Variants in ALDH6A1 observed in about 807,000 individuals in gnomAD.
The protein encoded by ALDH6A1 is methylmalonate-semialdehyde/malonate-semialdehyde dehydrogenase [acylating], mitochondrial.
A neutral mutation model predicts 62.6 loss-of-function variants in ALDH6A1; 43 were observed. That is an observed-to-expected ratio of 0.69 (90% CI 0.54 to 0.89). ALDH6A1 has a LOEUF of 0.89. Ranked by LOEUF, ALDH6A1 falls within the 40% of genes least tolerant of loss-of-function variation. The pLI is 0.00. For missense variants in ALDH6A1, 551 were observed against 661.3 expected (o/e 0.83, Z 1.83); for synonymous variants, 194 against 234.2 (o/e 0.83, Z 1.57).
In ALDH6A1 at chr14:74,057,632, G is replaced by T; in HGVS notation, c.*3010C>A. ...CAACCTAGAGGACAAAGGCTTATAAGGAGATATGAAATGATTTTTTTAAGC... is the reference window on the plus strand; with the variant it reads ...CAACCTAGAGGACAAAGGCTTATAATGAGATATGAAATGATTTTTTTAAGC... On this transcript the variant is annotated 3_prime_UTR_variant, in exon 12 of 12. Coordinates refer to ENST00000553458, the MANE Select transcript of ALDH6A1 (RefSeq NM_005589.4). The T allele has an allele frequency of 7.5e-7, 1 of 1,333,220 alleles. No individual in the cohort carries two copies. The highest frequency in any genetic ancestry group is 9.8e-7 in the Non-Finnish European group (1 of 1,022,494). 82.6% of individuals were successfully genotyped at this position (1,333,220 alleles called of 1,614,324 possible).
rs1436429605 is a variant in ALDH6A1 at position 74,057,689 on chromosome 14, T to C, written c.*2953A>G. On this transcript the variant is annotated 3_prime_UTR_variant, in exon 12 of 12. Transcript: ENST00000553458. ...TTTCTCTTTAAGAGTTTTTAATTTA[T>C]AATTTGTTATTCATAATTAGTACAA... The C allele has an allele frequency of 3.3e-5, 42 of 1,275,072 alleles. No individual in the cohort carries two copies. Among genetic ancestry groups the C allele is most frequent in the Non-Finnish European group, 4.2e-5 (42 of 989,346 alleles). 79.0% of individuals were successfully genotyped at this position (1,275,072 alleles called of 1,614,324 possible). A position where few individuals can be genotyped will look rare whatever the true frequency, so the allele number is the denominator to read the frequency against.
At chr14:74,067,662 C>T in intron 7 of ALDH6A1, 93 bp from the exon 8 acceptor site, 1 of 1,351,770 alleles carries the variant, frequency 7.4e-7, no homozygotes, top group Non-Finnish European at 1.0e-6. Flanking sequence ...GTGGCTAATG[C>T]CTGTAATCCC....
rs574769742 is a variant in ALDH6A1 at position 74,065,216 on chromosome 14, C to G, written c.1369G>C (p.Ala457Pro). 6.2e-7 allele frequency: 1 copy of G among 1,614,162 alleles called. No homozygotes were observed. Among genetic ancestry groups the G allele is most frequent in the Non-Finnish European group, 8.5e-7 (1 of 1,180,024 alleles). Residue 457 changes from alanine to proline, a missense_variant, in exon 10 of 12, where the codon GCT becomes CCT. Physicochemically the swap from Ala to Pro is conservative, Grantham distance 27 (BLOSUM62 -1). Coordinates refer to ENST00000553458, the MANE Select transcript of ALDH6A1 (RefSeq NM_005589.4). ...TAIFTTNGAT[A>P]RKYAHLVDVG... ...TCCACCAAGTGGGCATATTTCCGAG[C>G]AGTGGCTCCATTGGTGGTGAAGATG...
intron 1 of ALDH6A1, 68 bp from the exon 2 acceptor site, chr14:74,075,085 C>CATA: frequency 7.1e-7 from 1 of 1,407,308 alleles, no homozygotes; most frequent in Non-Finnish European, 1.0e-6. Context: ...TAGCAAATAG[C>CATA]TACTATATGC....
Position 74,065,114 on chromosome 14 carries a change from A to G in ALDH6A1, c.1404+67T>C, listed in dbSNP as rs544599318. On this transcript the variant is annotated intron_variant, in intron 10 of 11. Transcript: ENST00000553458. Reference sequence around the variant, plus strand: ...AATCTTAAACCAATGACTCACCATTATTTACTGTTTCCTCTTAGGAAATAG... The same window carrying G: ...AATCTTAAACCAATGACTCACCATTGTTTACTGTTTCCTCTTAGGAAATAG... 348 of 1,577,956 alleles carry G rather than the reference A, an allele frequency of 2.2e-4. 3 individuals carry two copies. The South Asian group carries it at 3.5e-3, about 16-fold the overall frequency.
chr14:74,073,607 T>C (rs981733590), intron 2 of ALDH6A1, among the ~76,000 whole-genome samples: 3 of 152,276 alleles, frequency 2.0e-5, no homozygotes, highest in South Asian at 4.1e-4. Flanking sequence ...ACTGTGAGCA[T>C]GTATTACCTT....
rs749737332 is a variant in ALDH6A1 at position 74,057,629 on chromosome 14, T to C, written c.*3013A>G. On this transcript the variant is annotated 3_prime_UTR_variant, in exon 12 of 12. Coordinates refer to ENST00000553458, the MANE Select transcript of ALDH6A1 (RefSeq NM_005589.4). The stretch of plus-strand genomic sequence containing the variant: ...TTACAACCTAGAGGACAAAGGCTTA[T>C]AAGGAGATATGAAATGATTTTTTTA... 1 of 1,334,674 alleles carries C rather than the reference T, an allele frequency of 7.5e-7. No homozygotes were observed. Among genetic ancestry groups the C allele is most frequent in the Non-Finnish European group, 9.8e-7 (1 of 1,023,628 alleles). The allele number at this position is 1,334,674 out of a possible 1,614,324, so 82.7% of individuals were successfully genotyped here. A position where few individuals can be genotyped will look rare whatever the true frequency, so the allele number is the denominator to read the frequency against.
chr14:74,073,989 ATT>A (rs5809644), intron 2 of ALDH6A1, among the ~76,000 whole-genome samples: 34,917 of 144,400 alleles, frequency 0.24, 4,741 homozygotes, highest in South Asian at 0.46. Context: ...ACTTTAACTA[ATT>A]TTTTTTTTTT....
Position 74,058,436 on chromosome 14 carries a change from T to C in ALDH6A1, c.*2206A>G, listed in dbSNP as rs1299546089. The C allele has an allele frequency of 6.9e-6, 1 of 144,404 alleles. No homozygotes were observed. Among genetic ancestry groups the C allele is most frequent in the Non-Finnish European group, 1.5e-5 (1 of 66,682 alleles). The allele number at this position is 144,404 out of a possible 1,614,324, so 8.9% of individuals were successfully genotyped here. A position where few individuals can be genotyped will look rare whatever the true frequency, so the allele number is the denominator to read the frequency against. The stretch of plus-strand genomic sequence containing the variant: ...AATTATAAATTTCTATTGCCTCATA[T>C]TTAGGAAAGCAGAAAAAAAAAAAAA... On this transcript the variant is annotated 3_prime_UTR_variant, in exon 12 of 12. Transcript: ENST00000553458.
intron 11 of ALDH6A1, among the ~76,000 whole-genome samples, chr14:74,061,921 G>A (rs943347751): frequency 2.6e-5 from 4 of 151,798 alleles, no homozygotes; most frequent in Non-Finnish European, 5.9e-5. Flanking sequence ...ATTAAACTGG[G>A]GGGTGCAGCC....
rs2060699518 is a variant in ALDH6A1, at chr14:74,084,225, T to G, written c.48+122A>C. ...ATGGGACAGGGCCGCACAGGTCGGGTAGGAGGTCTGGCCAAAAAGGGGTTG... is the reference window on the plus strand; with the variant it reads ...ATGGGACAGGGCCGCACAGGTCGGGGAGGAGGTCTGGCCAAAAAGGGGTTG... On this transcript the variant is annotated intron_variant, in intron 1 of 11. Transcript: ENST00000553458. The G allele has an allele frequency of 4.2e-6, 6 of 1,435,360 alleles. No individual in the cohort carries two copies. The East Asian group carries it at 1.2e-4, about 29-fold the overall frequency. The allele number at this position is 1,435,360 out of a possible 1,614,324, so 88.9% of individuals were successfully genotyped here.
At chr14:74,078,796 T>G (rs10150622) in intron 1 of ALDH6A1, among the ~76,000 whole-genome samples, 3,070 of 151,922 alleles carry the variant, frequency 0.02, 140 homozygotes, top group African/African-American at 0.056. Flanking sequence ...CCCAAAGTGC[T>G]GGGATTACAG....
intron 4 of ALDH6A1, 49 bp downstream of exon 4, chr14:74,072,154 A>T (rs2060558905): frequency 6.2e-7 from 1 of 1,613,442 alleles, no homozygotes; most frequent in Non-Finnish European, 8.5e-7. Flanking sequence ...AGAGTGACAA[A>T]CATGCCCTAG....
At chr14:74,073,497 G>A (rs1036819662) in intron 2 of ALDH6A1, among the ~76,000 whole-genome samples, 2 of 152,180 alleles carry the variant, frequency 1.3e-5, no homozygotes, top group African/African-American at 4.8e-5. Context: ...GGAACTTCAT[G>A]AGTAGAAACA....
intron 11 of ALDH6A1, among the ~76,000 whole-genome samples, chr14:74,062,243 A>G (rs1407083976): frequency 1.3e-5 from 2 of 151,906 alleles, no homozygotes; most frequent in African/African-American, 4.8e-5. Flanking sequence ...CAATTTTTAA[A>G]CAATAGTTGT....
At position 74,072,619 on chromosome 14, in the gene ALDH6A1, AAAC is replaced by A. The variant is rs752797349; in HGVS notation, c.112-11_112-9del. 7.8e-6 allele frequency: 12 copies of A among 1,546,064 alleles called. No individual in the cohort carries two copies. The highest frequency in any genetic ancestry group is 7.0e-5 in the South Asian group (6 of 85,470). On this transcript the variant is annotated splice_polypyrimidine_tract_variant and intron_variant, in intron 2 of 11. Transcript: ENST00000553458. ...GAAGAGCTTTACAGTTGGCTGAAAA[AAAC>A]AAACAAACAAACAAACAAACAAAAA...
At chr14:74,060,884 G>T (rs1488387725) in intron 11 of ALDH6A1, 138 bp from the exon 12 acceptor site, 1 of 683,242 alleles carries the variant, frequency 1.5e-6, no homozygotes, top group East Asian at 2.7e-5. Flanking sequence ...AATATATATT[G>T]TTCCTAAGAT....
At chr14:74,077,913 A>G (rs1260679597) in intron 1 of ALDH6A1, among the ~76,000 whole-genome samples, 1 of 152,220 alleles carries the variant, frequency 6.6e-6, no homozygotes, top group Non-Finnish European at 1.5e-5. Context: ...AAAAGTAGTT[A>G]GCACAAAGCT....
At chr14:74,073,053 G>A (rs563179494) in intron 2 of ALDH6A1, among the ~76,000 whole-genome samples, 2 of 152,282 alleles carry the variant, frequency 1.3e-5, no homozygotes, top group Non-Finnish European at 2.9e-5. Flanking sequence ...ACCCACCTCG[G>A]CCTCCCAAAG....
Sources: gnomAD v4.1 joint callset for allele counts (sites outside exome capture counted in the v4.1 genomes callset) on GRCh38, gnomAD v4.1.1 for gene constraint, MANE v1.5 for transcripts, NCBI Gene and HGNC (gene_info 2026-07-23, HGNC 2026-07-21) for gene names.